The following RBBP9 variants were observed in gnomAD, a reference collection of about 807,000 sequenced individuals.
RBBP9 encodes serine hydrolase RBBP9.
A neutral mutation model predicts 24.2 loss-of-function variants in RBBP9; 20 were observed. The ratio of observed to expected loss-of-function variants is 0.83; its 90% CI spans 0.58 to 1.20. RBBP9 has a LOEUF of 1.20. RBBP9 is among the 50% of genes most tolerant of loss of function. The pLI is 0.00. For synonymous variants in RBBP9, 74 were observed against 84.6 expected, an observed-to-expected ratio of 0.87 and a Z score of 0.69; for missense variants, 234 against 233.6, an observed-to-expected ratio of 1.00 and a Z score of -0.01.
rs1600211985 is a variant in RBBP9 at position 18,489,628 on chromosome 20, T to C, written c.*136A>G. On this transcript the variant is annotated 3_prime_UTR_variant, in exon 5 of 5. Coordinates refer to ENST00000337227, the MANE Select transcript of RBBP9 (RefSeq NM_006606.3). ...ATGGAAGTGCTATTTGTAACTTAGA[T>C]TGAATGTTGAAACTTGTGTTTGTTT... The C allele has an allele frequency of 4.9e-6, 3 of 614,608 alleles. No homozygotes were observed. Among genetic ancestry groups the C allele is most frequent in the Non-Finnish European group, 8.6e-6 (3 of 349,758 alleles). 38.1% of individuals were successfully genotyped at this position (614,608 alleles called of 1,614,324 possible). A position where few individuals can be genotyped will look rare whatever the true frequency, so the allele number is the denominator to read the frequency against.
rs373192733 is a variant in RBBP9, at chr20:18,489,760, C to G, written c.*4G>C. On this transcript the variant is annotated 3_prime_UTR_variant, in exon 5 of 5. Transcript: ENST00000337227. ...GGGATGCAAAATAGCAGAAATCATA[C>G]AGTCTATGCTGGTACTTTCAGCAAA... is the stretch of plus-strand genomic sequence containing the variant. The G allele has an allele frequency of 2.5e-5, 40 of 1,572,156 alleles. No homozygotes were observed. The African/African-American group carries it at 4.3e-4, about 17-fold the overall frequency.
In RBBP9 at chr20:18,489,874, C is replaced by T. The variant is rs560343448; in HGVS notation, c.451G>A (p.Asp151Asn). 3.1e-6 allele frequency: 5 copies of T among 1,613,914 alleles called. No homozygotes were observed. The African/African-American group carries it at 4.0e-5, about 13-fold the overall frequency. ...LPWKEQQEVA[D>N]RLETKLHKFT... The stretch of plus-strand genomic sequence containing the variant: ...TTGTGCAATTTGGTTTCCAACCTAT[C>T]GGCCACTTCTTGTTGTTCCTTCCAG... The change falls in exon 5 of 5, where the codon GAT becomes AAT. Residue 151 changes from aspartate (D) to asparagine (N), a missense_variant. Coordinates refer to ENST00000337227, the MANE Select transcript of RBBP9 (RefSeq NM_006606.3).
At position 18,489,980 on chromosome 20, in the gene RBBP9, G is replaced by A. The variant is rs149149837; in HGVS notation, c.345C>T (p.Thr115=). ...TGATCTTCTCCCACTGCCAGGGGCG[G>A]GTGAAGTATCCTATGGGGAAAAAAA... ...DENERASGYF[T]RPWQWEKIKA... Residue 115 remains threonine, a synonymous_variant, in exon 5 of 5, where the codon ACC becomes ACT. Transcript: ENST00000337227. 41 of 1,602,260 alleles carry A rather than the reference G, an allele frequency of 2.6e-5. No homozygotes were observed. The African/African-American group carries it at 4.7e-4, about 18-fold the overall frequency.
Position 18,486,550 on chromosome 20 carries a change from T to C in RBBP9, c.*3214A>G, listed in dbSNP as rs1011642426. 1 of 152,084 alleles carries C rather than the reference T, an allele frequency of 6.6e-6. No homozygotes were observed. Among genetic ancestry groups the C allele is most frequent in the Non-Finnish European group, 1.5e-5 (1 of 68,018 alleles). 9.4% of individuals were successfully genotyped at this position (152,084 alleles called of 1,614,324 possible). ...AGAGAAACTTCAAGCTTTTTTCCCA[T>C]GGTATGTTTTTAATTCTGAAAATTA... On this transcript the variant is annotated 3_prime_UTR_variant, in exon 5 of 5. Transcript: ENST00000337227.
intron 4 of RBBP9, 22 bp downstream of exon 4, chr20:18,490,373 A>T: frequency 1.3e-6 from 2 of 1,591,976 alleles, no homozygotes; most frequent in Non-Finnish European, 1.7e-6. Flanking sequence ...GGCTTTGCTC[A>T]GATTTCTACC....
chr20:18,494,136 CA>C, intron 2 of RBBP9, 73 bp from the exon 3 acceptor site: 2 of 1,166,308 alleles, frequency 1.7e-6, no homozygotes, highest in Non-Finnish European at 2.5e-6. Context: ...CCCCACCTTT[CA>C]AACAGGCAAC....
rs749259007 is a variant in RBBP9, at chr20:18,486,864, C to T, written c.*2900G>A. The stretch of plus-strand genomic sequence containing the variant: ...CAAACAGAAATCAGAAATGACAGTC[C>T]ATGGCTCTATGGTTTTTAATGAATA... On this transcript the variant is annotated 3_prime_UTR_variant, in exon 5 of 5. Transcript: ENST00000337227. The T allele has an allele frequency of 6.6e-6, 1 of 152,088 alleles. No individual in the cohort carries two copies. The highest frequency in any genetic ancestry group is 1.5e-5 in the Non-Finnish European group (1 of 68,046). 9.4% of individuals were successfully genotyped at this position (152,088 alleles called of 1,614,324 possible). A position where few individuals can be genotyped will look rare whatever the true frequency, so the allele number is the denominator to read the frequency against.
In RBBP9 at chr20:18,489,771, G is replaced by A; in HGVS notation, c.554C>T (p.Pro185Leu). 1.2e-6 allele frequency: 2 copies of A among 1,604,462 alleles called. No homozygotes were observed. The highest frequency in any genetic ancestry group is 1.7e-6 in the Non-Finnish European group (2 of 1,171,596). Residue 185 changes from proline (P) to leucine (L), a missense_variant, in exon 5 of 5, where the codon CCA (proline) becomes CTA (leucine). Coordinates refer to ENST00000337227, the MANE Select transcript of RBBP9 (RefSeq NM_006606.3). ...ITVVKSLLKV[P>L]A ...TAGCAGAAATCATACAGTCTATGCT[G>A]GTACTTTCAGCAAAGACTTTACAAC...
At position 18,487,351 on chromosome 20, in the gene RBBP9, CAGAG is replaced by C. The variant is rs2059847998; in HGVS notation, c.*2409_*2412del. On this transcript the variant is annotated 3_prime_UTR_variant, in exon 5 of 5. Transcript: ENST00000337227. ...TATATATATTTAGTTTTCATTTCTA[CAGAG>C]AAAGAGGTCAACAAAGTTTTGTGAA... 6.6e-6 allele frequency: 1 copy of C among 152,138 alleles called. No individual in the cohort carries two copies. Among genetic ancestry groups the C allele is most frequent in the Non-Finnish European group, 1.5e-5 (1 of 68,036 alleles). 9.4% of individuals were successfully genotyped at this position (152,138 alleles called of 1,614,324 possible).
intron 3 of RBBP9, among the ~76,000 whole-genome samples, chr20:18,491,212 AACTGTATTTTAAGAAAC>A (rs2059864231): frequency 6.6e-6 from 1 of 152,224 alleles, no homozygotes; most frequent in African/African-American, 2.4e-5. Context: ...GTGGTCTGTG[AACTGTATTTTAAGAAAC>A]ACTGTATAAT....
chr20:18,496,336 G>T (rs914850154), intron 1 of RBBP9, among the ~76,000 whole-genome samples: 24 of 152,290 alleles, frequency 1.6e-4, no homozygotes, highest in African/African-American at 5.5e-4. Flanking sequence ...ATCTATTCTG[G>T]AGACCCGCTC....
In RBBP9 at chr20:18,488,944, T is replaced by A. The variant is rs1428107642; in HGVS notation, c.*820A>T. Reference sequence around the variant, plus strand: ...TTACATACTCCATATGTATATGGATTGTATGTGTATGTGTGTGTGTGTGTG... The same window carrying A: ...TTACATACTCCATATGTATATGGATAGTATGTGTATGTGTGTGTGTGTGTG... On this transcript the variant is annotated 3_prime_UTR_variant, in exon 5 of 5. Coordinates refer to ENST00000337227, the MANE Select transcript of RBBP9 (RefSeq NM_006606.3). 2 of 91,122 alleles carry A rather than the reference T, an allele frequency of 2.2e-5. No individual in the cohort carries two copies. 5.6% of individuals were successfully genotyped at this position (91,122 alleles called of 1,614,324 possible).
chr20:18,491,556 A>G (rs1364393252), intron 3 of RBBP9, among the ~76,000 whole-genome samples: 1 of 152,182 alleles, frequency 6.6e-6, no homozygotes, highest in African/African-American at 2.4e-5. Flanking sequence ...GAAAAGTACT[A>G]CAGATAATAA....
chr20:18,492,496 T>C (rs2059870001), intron 3 of RBBP9, among the ~76,000 whole-genome samples: 1 of 152,246 alleles, frequency 6.6e-6, no homozygotes, highest in Admixed American at 6.5e-5. Flanking sequence ...CTGGCAAGGA[T>C]ACTGCATAGG....
At chr20:18,496,422 C>T (rs1477162428) in intron 1 of RBBP9, among the ~76,000 whole-genome samples, 2 of 152,218 alleles carry the variant, frequency 1.3e-5, no homozygotes, top group African/African-American at 4.8e-5. Context: ...TCAAACGGCA[C>T]AGGTCAGCCT....
At chr20:18,490,875 C>T (rs565808279) in intron 3 of RBBP9, among the ~76,000 whole-genome samples, 6 of 151,890 alleles carry the variant, frequency 4.0e-5, no homozygotes, top group African/African-American at 1.2e-4. Flanking sequence ...GACGGGGTTT[C>T]ACCATGTTGG....
intron 3 of RBBP9, among the ~76,000 whole-genome samples, chr20:18,493,291 A>C (rs1000027169): frequency 3.9e-5 from 6 of 152,184 alleles, no homozygotes; most frequent in Admixed American, 2.6e-4. Context: ...CTGCAGACAC[A>C]ATCTACCATA....
chr20:18,496,838 G>A (rs1388981499), intron 1 of RBBP9, among the ~76,000 whole-genome samples: 1 of 152,148 alleles, frequency 6.6e-6, no homozygotes, highest in African/African-American at 2.4e-5. Flanking sequence ...GTTCAAAGGG[G>A]TTCCTTTAAC....
chr20:18,495,883 A>G lies in RBBP9; in HGVS notation c.100-3T>C, dbSNP rs1033123418. 6.5e-7 allele frequency: 1 copy of G among 1,547,602 alleles called. No individual in the cohort carries two copies. The highest frequency in any genetic ancestry group is 8.8e-7 in the Non-Finnish European group (1 of 1,130,708). On this transcript the variant is annotated splice_polypyrimidine_tract_variant and splice_region_variant and intron_variant, in intron 1 of 4. Transcript: ENST00000337227. ...GCCAAACACTGGAAACCAGGTATCT[A>G]TGATATGAGGGGGGAGAAAAAGCTA...
Sources: allele counts gnomAD v4.1 joint callset (sites outside exome capture counted in the v4.1 genomes callset), GRCh38; gene constraint gnomAD v4.1.1; transcripts MANE v1.5; gene names NCBI Gene and HGNC (gene_info 2026-07-23, HGNC 2026-07-21).